Variants in OIP5 observed in about 807,000 individuals in gnomAD.
OIP5 encodes the protein Opa interacting protein 5, also known as protein Mis18-beta.
A neutral mutation model predicts 20.3 loss-of-function variants in OIP5; 24 were observed. That is an observed-to-expected ratio of 1.18 (90% CI 0.86 to 1.66). The LOEUF (loss-of-function observed/expected upper bound fraction) is 1.66, where lower values mean the gene tolerates loss of function less well. Ranked by LOEUF, OIP5 falls within the 40% of genes most tolerant of loss-of-function variation. The pLI is 0.00. For synonymous variants in OIP5, 143 were observed against 121.3 expected (o/e 1.18, Z -1.17); for missense variants, 339 against 289.5 (o/e 1.17, Z -1.24).
intron 2 of OIP5, among the ~76,000 whole-genome samples, chr15:41,324,652 G>C (rs1187551062): frequency 2.0e-5 from 3 of 152,050 alleles, no homozygotes; most frequent in Admixed American, 1.3e-4. Context: ...ACCATGCCCG[G>C]CTAATTTTGT....
chr15:41,323,222 G>A (rs1436021795), intron 2 of OIP5, among the ~76,000 whole-genome samples: 2 of 152,130 alleles, frequency 1.3e-5, no homozygotes, highest in Admixed American at 6.6e-5. Flanking sequence ...CGGGCGCAAT[G>A]GCTCACGCTT....
At chr15:41,324,580 C>G (rs887781494) in intron 2 of OIP5, among the ~76,000 whole-genome samples, 2 of 151,970 alleles carry the variant, frequency 1.3e-5, no homozygotes, top group African/African-American at 2.4e-5. Context: ...ACCTCCGCCT[C>G]CCGGGTTCAA....
chr15:41,315,997 G>A (rs191066737), intron 3 of OIP5, among the ~76,000 whole-genome samples: 125 of 152,136 alleles, frequency 8.2e-4, no homozygotes, highest in African/African-American at 2.6e-3. Flanking sequence ...ACATGGTGGC[G>A]GGCGCCTGTA....
chr15:41,316,749 C>T (rs1393092736), intron 3 of OIP5, among the ~76,000 whole-genome samples: 1 of 132,114 alleles, frequency 7.6e-6, no homozygotes, highest in Admixed American at 8.6e-5. Flanking sequence ...AAGATCACGT[C>T]ACTGCACTCC....
In OIP5 at chr15:41,313,339, T is replaced by G. The variant is rs1381090486; in HGVS notation, c.528A>C (p.Thr176=). Residue 176 remains threonine, a synonymous_variant, in exon 4 of 5, where the codon ACA becomes ACC. Transcript: ENST00000220514. ...TCTCTGATGCATTTACTATGGCTTTTGTTTTTAAGAGATAGCTAGATAGGA... is the reference window on the plus strand; with the variant it reads ...TCTCTGATGCATTTACTATGGCTTTGGTTTTTAAGAGATAGCTAGATAGGA... ...SDKMVCYLLK[T]KAIVNASEMD... is the part of the protein sequence containing the mutation. The G allele has an allele frequency of 1.8e-5, 28 of 1,597,240 alleles. No individual in the cohort carries two copies. The highest frequency in any genetic ancestry group is 2.3e-5 in the Non-Finnish European group (27 of 1,169,016).
intron 3 of OIP5, among the ~76,000 whole-genome samples, chr15:41,316,239 A>T (rs1283482275): frequency 2.6e-5 from 4 of 152,172 alleles, no homozygotes; most frequent in Non-Finnish European, 4.4e-5. Context: ...TGAACCCAGG[A>T]GGTGCAGGTT....
chr15:41,312,261 A>C (rs944318806), intron 4 of OIP5, among the ~76,000 whole-genome samples: 15 of 151,020 alleles, frequency 9.9e-5, no homozygotes, highest in African/African-American at 3.4e-4. Flanking sequence ...TCGCAGGTTC[A>C]AGTGCTTCTC....
chr15:41,314,658 G>A (rs1419596700), intron 3 of OIP5, among the ~76,000 whole-genome samples: 1 of 148,924 alleles, frequency 6.7e-6, no homozygotes, highest in Non-Finnish European at 1.5e-5. Flanking sequence ...TTGAGACAGA[G>A]TCTTACTCTG....
chr15:41,313,629 A>T (rs2047772777), intron 3 of OIP5, among the ~76,000 whole-genome samples: 2 of 152,190 alleles, frequency 1.3e-5, no homozygotes, highest in Admixed American at 6.6e-5. Context: ...TTCCCTTAAC[A>T]TTACAACAAC....
rs1369750139 is a variant in OIP5 at position 41,331,908 on chromosome 15, T to C, written c.389+7A>G. On this transcript the variant is annotated splice_region_variant and intron_variant, in intron 2 of 4. Coordinates refer to ENST00000220514, the MANE Select transcript of OIP5 (RefSeq NM_007280.2). ...GACTAGAGACCAATGTAATTATCAA[T>C]ACGTACCTGCCTTTGAGTGAACCTT... 6.2e-7 allele frequency: 1 copy of C among 1,612,546 alleles called. No individual in the cohort carries two copies. Among genetic ancestry groups the C allele is most frequent in the Non-Finnish European group, 8.5e-7 (1 of 1,178,608 alleles).
At chr15:41,314,367 G>T (rs1157234107) in intron 3 of OIP5, among the ~76,000 whole-genome samples, 2 of 152,144 alleles carry the variant, frequency 1.3e-5, no homozygotes, top group African/African-American at 4.8e-5. Context: ...CTCCCAAAGT[G>T]CTGGGATTAT....
At chr15:41,311,855 C>T (rs113718567) in intron 4 of OIP5, among the ~76,000 whole-genome samples, 6,419 of 104,704 alleles carry the variant, frequency 0.061, 703 homozygotes, top group African/African-American at 0.11. Flanking sequence ...TGTGAGCCAC[C>T]GCACCCAGCC....
At position 41,332,482 on chromosome 15, in the gene OIP5, G is replaced by C; in HGVS notation, c.80C>G (p.Ala27Gly). The change falls in exon 1 of 5, where the codon GCG (alanine) becomes GGG (glycine). Residue 27 changes from alanine to glycine, a missense_variant. Ala to Gly is a moderately conservative substitution (Grantham distance 60, BLOSUM62 0). Transcript: ENST00000220514. ...RGDFCGGTER[A>G]IDQASFTTSM... ...GGTCGTAAAAGAAGCTTGGTCAATC[G>C]CCCTCTCAGTGCCACCACAAAAGTC... The C allele has an allele frequency of 6.2e-7, 1 of 1,614,022 alleles. No homozygotes were observed. The highest frequency in any genetic ancestry group is 8.5e-7 in the Non-Finnish European group (1 of 1,179,922).
intron 2 of OIP5, among the ~76,000 whole-genome samples, chr15:41,327,711 C>G (rs1008405424): frequency 1.1e-4 from 16 of 151,992 alleles, no homozygotes; most frequent in Non-Finnish European, 1.9e-4. Flanking sequence ...TCACTTGAAC[C>G]CGGGAGGCGG....
chr15:41,328,033 G>A (rs145294843), intron 2 of OIP5, among the ~76,000 whole-genome samples: 8 of 152,062 alleles, frequency 5.3e-5, no homozygotes, highest in South Asian at 4.2e-4. Flanking sequence ...CCTGGGAGGC[G>A]GAGGTTGTTC....
rs562618861 is a variant in OIP5, at chr15:41,320,476, C to T, written c.390-696G>A. 3.8e-3 allele frequency among the ~76,000 whole-genome samples: 581 copies of T among 152,326 alleles called. 4 individuals are homozygous for T. Among genetic ancestry groups the T allele is most frequent in the African/African-American group, 0.013 (552 of 41,584 alleles). ...TATTTTTTTGGTGGAGACGGGGTTT[C>T]GCTGTGTTGGCTGGGCTGGTCTCCA... On this transcript the variant is annotated intron_variant, in intron 2 of 4. Coordinates refer to ENST00000220514, the MANE Select transcript of OIP5 (RefSeq NM_007280.2).
chr15:41,332,206 C>T, intron 1 of OIP5, 34 bp downstream of exon 1: 1 of 1,523,050 alleles, frequency 6.6e-7, no homozygotes, highest in Non-Finnish European at 8.8e-7. Flanking sequence ...CTCGGGCTAG[C>T]CTCTGCCTTT....
intron 3 of OIP5, among the ~76,000 whole-genome samples, chr15:41,316,307 G>A (rs550636651): frequency 4.0e-5 from 6 of 151,648 alleles, no homozygotes; most frequent in South Asian, 2.1e-4. Context: ...GTGAGACTCC[G>A]TCTTTAAAAA....
chr15:41,317,617 T>A (rs952016711), intron 3 of OIP5, among the ~76,000 whole-genome samples: 1 of 152,028 alleles, frequency 6.6e-6, no homozygotes, highest in African/African-American at 2.4e-5. Flanking sequence ...CCTGACCTCA[T>A]GATCTGCCCA....
Sources: allele counts gnomAD v4.1 joint callset (sites outside exome capture counted in the v4.1 genomes callset), GRCh38; gene constraint gnomAD v4.1.1; transcripts MANE v1.5; gene names NCBI Gene and HGNC (gene_info 2026-07-23, HGNC 2026-07-21).